Variants in PCDH11X observed in about 807,000 individuals in gnomAD.
The protein encoded by PCDH11X is protocadherin-11 X-linked.
Under a neutral mutation model 53.3 loss-of-function variants are expected in PCDH11X, and 18 were observed. The observed-to-expected ratio is 0.34, with a 90% confidence interval of 0.23 to 0.50. The LOEUF (loss-of-function observed/expected upper bound fraction) is 0.50. PCDH11X is among the 20% of genes least tolerant of loss of function. The pLI is 0.98. For missense variants in PCDH11X, 570 were observed against 1,032.4 expected, an observed-to-expected ratio of 0.55 and a Z score of 6.14; for synonymous variants, 279 against 393.3, an observed-to-expected ratio of 0.71 and a Z score of 3.44.
At chrX:92,184,182 T>G (rs184766514) in intron 6 of PCDH11X, among the ~76,000 whole-genome samples, 18 of 111,736 alleles carry the variant, frequency 1.6e-4, no homozygotes, top group African/African-American at 5.5e-4. Flanking sequence ...AATTCACTAG[T>G]GACCAAATGT....
intron 10 of PCDH11X, among the ~76,000 whole-genome samples, chrX:92,559,024 C>T (rs191352268): frequency 4.3e-4 from 47 of 110,452 alleles, no homozygotes; most frequent in East Asian, 2.0e-3. Flanking sequence ...ATTTAAAATC[C>T]GTGCCAAAAT....
intron 9 of PCDH11X, among the ~76,000 whole-genome samples, chrX:92,453,883 C>T (rs899272754): frequency 2.0e-4 from 22 of 109,507 alleles, no homozygotes; most frequent in Non-Finnish European, 3.2e-4. Flanking sequence ...GCTTTGTGTG[C>T]GTATAAATTG....
At chrX:91,831,883 GTTCAT>G (rs1376548666) in intron 4 of PCDH11X, among the ~76,000 whole-genome samples, 2 of 93,159 alleles carry the variant, frequency 2.1e-5, no homozygotes, top group African/African-American at 3.9e-5. Context: ...ACCTCCATGA[GTTCAT>G]TTCATCTCAA....
chrX:92,445,100 C>A (rs1415368171), intron 9 of PCDH11X, among the ~76,000 whole-genome samples: 1 of 102,444 alleles, frequency 9.8e-6, no homozygotes, highest in African/African-American at 3.5e-5. Flanking sequence ...AGCTCTTTCT[C>A]CTTGATTTTT....
intron 4 of PCDH11X, chrX:91,834,609 G>A (rs1346471559): frequency 9.1e-6 from 1 of 110,167 alleles, no homozygotes; most frequent in Non-Finnish European, 1.9e-5. Flanking sequence ...TTGAATGTTT[G>A]GACGTCATCT....
chrX:92,399,318 A>G (rs977136052), intron 9 of PCDH11X, among the ~76,000 whole-genome samples: 1 of 110,056 alleles, frequency 9.1e-6, no homozygotes, highest in Non-Finnish European at 1.9e-5. Flanking sequence ...GGGACCAGAG[A>G]GTTTTCATTT....
At chrX:92,172,104 C>T (rs1056407063) in intron 6 of PCDH11X, among the ~76,000 whole-genome samples, 3 of 109,009 alleles carry the variant, frequency 2.8e-5, no homozygotes, top group Non-Finnish European at 5.7e-5. Context: ...CTTACTTCTT[C>T]CTTTGCAATA....
intron 6 of PCDH11X, among the ~76,000 whole-genome samples, chrX:91,888,642 C>A (rs927413514): frequency 9.1e-6 from 1 of 110,290 alleles, no homozygotes; most frequent in African/African-American, 3.3e-5. Flanking sequence ...GCCTGGGTGA[C>A]AGAGTGAGAT....
chrX:91,905,649 C>T (rs1237383127), intron 6 of PCDH11X, among the ~76,000 whole-genome samples: 1 of 110,782 alleles, frequency 9.0e-6, no homozygotes, highest in Non-Finnish European at 1.9e-5. Flanking sequence ...AAAGTAATGC[C>T]TAATTAATAA....
chrX:91,964,443 C>T (rs1466240506), intron 6 of PCDH11X, among the ~76,000 whole-genome samples: 1 of 110,982 alleles, frequency 9.0e-6, no homozygotes, highest in African/African-American at 3.3e-5. Context: ...AAGGTTTTAT[C>T]CAGCTCTTCA....
chrX:91,829,600 A>G (rs750751422), intron 4 of PCDH11X, among the ~76,000 whole-genome samples: 3 of 110,899 alleles, frequency 2.7e-5, no homozygotes, highest in Admixed American at 9.7e-5. Flanking sequence ...CACGAATAAT[A>G]GATTCCAAGC....
At chrX:91,851,885 G>A (rs1938036808) in intron 5 of PCDH11X, among the ~76,000 whole-genome samples, 1 of 110,671 alleles carries the variant, frequency 9.0e-6, no homozygotes, top group Non-Finnish European at 1.9e-5. Flanking sequence ...TTCTGTCCTG[G>A]CATACAAATA....
chrX:92,475,081 C>A (rs1436223185), intron 10 of PCDH11X, among the ~76,000 whole-genome samples: 1 of 90,288 alleles, frequency 1.1e-5, no homozygotes, highest in Non-Finnish European at 2.1e-5. Context: ...AGGAGAATGG[C>A]GTGAACCCGG....
In PCDH11X at chrX:92,080,758, C is replaced by A. The variant is rs189915921; in HGVS notation, c.3034-120617C>A. The stretch of plus-strand genomic sequence containing the variant: ...ATAAAGAAATGAAGACCCAAAGACC[C>A]TGAGTTATTTATATGCTGAATGGGA... On this transcript the variant is annotated intron_variant, in intron 6 of 10. Transcript: ENST00000682573. Among the ~76,000 whole-genome samples the A allele has an allele frequency of 3.6e-5, 4 of 110,955 alleles. No individual in the cohort carries two copies. In the Admixed American group the frequency reaches 3.9e-4, roughly 11 times the overall value.
chrX:91,780,069 T>C (rs1375394054), intron 1 of PCDH11X, among the ~76,000 whole-genome samples: 4 of 111,779 alleles, frequency 3.6e-5, no homozygotes, highest in South Asian at 7.6e-4. Flanking sequence ...GGGGCGGGTG[T>C]TGACAAAAGA....
At chrX:92,311,838 G>T (rs1378904217) in intron 8 of PCDH11X, among the ~76,000 whole-genome samples, 4 of 110,757 alleles carry the variant, frequency 3.6e-5, no homozygotes, top group Admixed American at 9.7e-5. Context: ...AAAAGATACT[G>T]TCCTTTTTCC....
At chrX:92,014,703 C>T (rs775529187) in intron 6 of PCDH11X, among the ~76,000 whole-genome samples, 15 of 111,958 alleles carry the variant, frequency 1.3e-4, no homozygotes, top group African/African-American at 4.9e-4. Flanking sequence ...TACTATGCAG[C>T]CATAAAAAAT....
intron 9 of PCDH11X, among the ~76,000 whole-genome samples, chrX:92,429,067 G>GA (rs2072190327): frequency 9.0e-6 from 1 of 110,736 alleles, no homozygotes; most frequent in African/African-American, 3.3e-5. Flanking sequence ...AACTTATAGG[G>GA]AAAATGATAA....
chrX:91,894,973 G>C (rs1166506202), intron 6 of PCDH11X, among the ~76,000 whole-genome samples: 1 of 110,370 alleles, frequency 9.1e-6, no homozygotes, highest in East Asian at 2.9e-4. Flanking sequence ...CACCCTTTGT[G>C]ACCCTATGTT....
Sources: allele counts gnomAD v4.1 joint callset (sites outside exome capture counted in the v4.1 genomes callset), GRCh38; gene constraint gnomAD v4.1.1; transcripts MANE v1.5; gene names NCBI Gene and HGNC (gene_info 2026-07-23, HGNC 2026-07-21).